UBE2H: variants seen among roughly 807,000 people sequenced by gnomAD.
The protein encoded by UBE2H is ubiquitin-conjugating enzyme E2 H.
In UBE2H, 3 loss-of-function variants were observed where a neutral mutation model predicts 29.0. The observed-to-expected ratio is 0.10, with a 90% CI of 0.05 to 0.27. UBE2H has a LOEUF of 0.27. Among genes scored for constraint, UBE2H ranks in the 10% least tolerant of loss-of-function variants. UBE2H has a pLI of 1.00. For synonymous variants in UBE2H, 69 were observed against 82.9 expected, an observed-to-expected ratio of 0.83 and a Z score of 0.91; for missense variants, 68 against 228.2, an observed-to-expected ratio of 0.30 and a Z score of 4.52.
chr7:129,884,623 CA>C (rs1486785629), intron 1 of UBE2H, among the ~76,000 whole-genome samples: 1 of 146,406 alleles, frequency 6.8e-6, no homozygotes, highest in Non-Finnish European at 1.5e-5. Flanking sequence ...GATAGGGTCT[CA>C]CTCTGTCATT....
chr7:129,839,649 C>T, intron 5 of UBE2H: 1 of 293,018 alleles, frequency 3.4e-6, no homozygotes, highest in Non-Finnish European at 6.4e-6. Context: ...AAACCCCCCA[C>T]TCTGAAAGGT....
chr7:129,882,509 T>C (rs1806275627), intron 1 of UBE2H, among the ~76,000 whole-genome samples: 1 of 152,232 alleles, frequency 6.6e-6, no homozygotes, highest in Admixed American at 6.5e-5. Context: ...GTAATTTTGG[T>C]AAAGTCCTTG....
chr7:129,932,954 CCT>C (rs1303204377), intron 1 of UBE2H, among the ~76,000 whole-genome samples: 4 of 152,098 alleles, frequency 2.6e-5, no homozygotes, highest in South Asian at 2.1e-4. Flanking sequence ...TGTGCCAGAA[CCT>C]CTGTTACTTA....
At chr7:129,925,462 T>C (rs906617102) in intron 1 of UBE2H, among the ~76,000 whole-genome samples, 1 of 152,072 alleles carries the variant, frequency 6.6e-6, no homozygotes, top group African/African-American at 2.4e-5. Context: ...GCCTATACAA[T>C]AATGCTCCCA....
chr7:129,851,048 T>TTA (rs1362927815), intron 5 of UBE2H, among the ~76,000 whole-genome samples: 1 of 152,172 alleles, frequency 6.6e-6, no homozygotes, highest in Non-Finnish European at 1.5e-5. Flanking sequence ...CATAGACTGT[T>TTA]TTTAAAGCAT....
intron 1 of UBE2H, chr7:129,949,098 G>A (rs1189977007): frequency 4.4e-6 from 2 of 451,374 alleles, no homozygotes; most frequent in Non-Finnish European, 8.9e-6. Flanking sequence ...CTTCAGCAGG[G>A]GCCACTGGTT....
At chr7:129,891,204 A>C in intron 1 of UBE2H, among the ~76,000 whole-genome samples, 1 of 150,156 alleles carries the variant, frequency 6.7e-6, no homozygotes, top group South Asian at 2.1e-4. Context: ...TTTTTTTTTG[A>C]GACGGAGTTT....
intron 3 of UBE2H, among the ~76,000 whole-genome samples, chr7:129,865,606 G>A (rs1332812611): frequency 1.3e-5 from 2 of 152,152 alleles, no homozygotes; most frequent in African/African-American, 2.4e-5. Flanking sequence ...TACATCCCAG[G>A]GATAAAATAA....
At chr7:129,867,780 AT>A (rs1236606608) in intron 3 of UBE2H, among the ~76,000 whole-genome samples, 9 of 141,708 alleles carry the variant, frequency 6.4e-5, no homozygotes, top group Non-Finnish European at 1.3e-4. Context: ...CAAAAATTAG[AT>A]TAAAAAAAAA....
chr7:129,897,102 C>T (rs1396259987), intron 1 of UBE2H, among the ~76,000 whole-genome samples: 2 of 151,928 alleles, frequency 1.3e-5, no homozygotes, highest in Non-Finnish European at 2.9e-5. Context: ...GCCACTTACT[C>T]GAAGACCCAG....
At chr7:129,902,289 A>G (rs573056624) in intron 1 of UBE2H, among the ~76,000 whole-genome samples, 2 of 152,336 alleles carry the variant, frequency 1.3e-5, no homozygotes, top group South Asian at 2.1e-4. Flanking sequence ...ACCTGAGGTC[A>G]GGAGTTCAAG....
At chr7:129,854,738 G>A (rs1196901613) in intron 5 of UBE2H, among the ~76,000 whole-genome samples, 1 of 152,108 alleles carries the variant, frequency 6.6e-6, no homozygotes, top group African/African-American at 2.4e-5. Flanking sequence ...ATGCAAACAT[G>A]TCTACACAAA....
chr7:129,872,675 C>G (rs1018432144), intron 3 of UBE2H, among the ~76,000 whole-genome samples: 1 of 151,656 alleles, frequency 6.6e-6, no homozygotes, highest in African/African-American at 2.4e-5. Flanking sequence ...AACCCCGTCT[C>G]TACTAAAAAA....
At chr7:129,864,118 A>C (rs1013775538) in intron 3 of UBE2H, among the ~76,000 whole-genome samples, 1 of 152,174 alleles carries the variant, frequency 6.6e-6, no homozygotes, top group African/African-American at 2.4e-5. Context: ...TTAGAAAAAT[A>C]TCCAAAGCAA....
chr7:129,950,078 T>C (rs898996312), intron 1 of UBE2H, among the ~76,000 whole-genome samples: 1 of 152,186 alleles, frequency 6.6e-6, no homozygotes, highest in Admixed American at 6.5e-5. Flanking sequence ...GTTGGCTCCA[T>C]TTGGGCCTAC....
At chr7:129,849,853 G>A (rs946282372) in intron 5 of UBE2H, among the ~76,000 whole-genome samples, 2 of 152,004 alleles carry the variant, frequency 1.3e-5, no homozygotes, top group African/African-American at 4.8e-5. Context: ...TGACTGAGAG[G>A]GTCTCATGTG....
chr7:129,831,930 C>G lies in UBE2H; in HGVS notation c.*3007G>C, dbSNP rs948942474. ...TAAAACTCAAGGGAGGATCCAAAAA[C>G]TATGGGCACTAAAAAGGGGAGGGAA... On this transcript the variant is annotated 3_prime_UTR_variant, in exon 7 of 7. Coordinates refer to ENST00000355621, the MANE Select transcript of UBE2H (RefSeq NM_003344.4). 6.6e-6 allele frequency: 1 copy of G among 152,270 alleles called. No homozygotes were observed. The highest frequency in any genetic ancestry group is 2.4e-5 in the African/African-American group (1 of 41,432). The allele number at this position is 152,270 out of a possible 1,614,324, so 9.4% of individuals were successfully genotyped here. A position where few individuals can be genotyped will look rare whatever the true frequency, so the allele number is the denominator to read the frequency against.
chr7:129,902,222 G>T (rs1306489494), intron 1 of UBE2H, among the ~76,000 whole-genome samples: 1 of 152,170 alleles, frequency 6.6e-6, no homozygotes, highest in African/African-American at 2.4e-5. Context: ...TACATGGCCG[G>T]GCACGGTGGC....
intron 1 of UBE2H, among the ~76,000 whole-genome samples, chr7:129,925,843 G>A (rs1316102497): frequency 6.6e-6 from 1 of 152,158 alleles, no homozygotes; most frequent in East Asian, 1.9e-4. Context: ...AATACACACT[G>A]CGGCAATCTG....
Sources: allele counts gnomAD v4.1 joint callset (sites outside exome capture counted in the v4.1 genomes callset), GRCh38; gene constraint gnomAD v4.1.1; transcripts MANE v1.5; gene names NCBI Gene and HGNC (gene_info 2026-07-23, HGNC 2026-07-21).